Variants in MDGA2 observed in about 807,000 individuals in gnomAD.
MDGA2 encodes MAM domain containing glycosylphosphatidylinositol anchor 2.
MDGA2 carries 40 observed loss-of-function variants against 117.8 expected under a neutral mutation model. The ratio of observed to expected loss-of-function variants is 0.34; its 90% confidence interval spans 0.26 to 0.44. The LOEUF is 0.44. Ranked by LOEUF, MDGA2 falls within the 20% of genes least tolerant of loss-of-function variation. MDGA2 has a pLI of 1.00. For missense variants in MDGA2, 1,123 were observed against 1,250.6 expected (o/e 0.90, Z 1.54); for synonymous variants, 452 against 439.0 (o/e 1.03, Z -0.37).
At chr14:46,908,153 G>A (rs1883569738) in intron 10 of MDGA2, among the ~76,000 whole-genome samples, 1 of 152,082 alleles carries the variant, frequency 6.6e-6, no homozygotes, top group Non-Finnish European at 1.5e-5. Flanking sequence ...CTAACAATTT[G>A]GAGTGGTATA....
intron 1 of MDGA2, 66 bp from the exon 2 acceptor site, chr14:47,301,616 C>A (rs766355007): frequency 2.0e-6 from 3 of 1,511,768 alleles, no homozygotes; most frequent in Non-Finnish European, 2.7e-6. Context: ...TCTCATGAAC[C>A]ATCTTGACTA....
At chr14:47,390,448 T>G (rs12147667) in intron 1 of MDGA2, among the ~76,000 whole-genome samples, 109,757 of 151,910 alleles carry the variant, frequency 0.72, 39,936 homozygotes, top group Middle Eastern at 0.82. Context: ...GTAAAGATAC[T>G]ATCGTTTTTC....
chr14:47,155,017 G>A (rs1367207031), intron 3 of MDGA2, among the ~76,000 whole-genome samples: 1 of 152,114 alleles, frequency 6.6e-6, no homozygotes, highest in Non-Finnish European at 1.5e-5. Context: ...GACTCAGCCA[G>A]ACTGGGACAG....
At chr14:46,877,586 T>C in intron 11 of MDGA2, 77 bp from the exon 12 acceptor site, 5 of 1,043,008 alleles carry the variant, frequency 4.8e-6, no homozygotes, top group Non-Finnish European at 5.6e-6. Flanking sequence ...TAAATAAAAG[T>C]CTAATCAGTG....
At position 47,591,231 on chromosome 14, in the gene MDGA2, C is replaced by T. The variant is rs149258637; in HGVS notation, c.280+83286G>A. Among the ~76,000 whole-genome samples the T allele has an allele frequency of 2.0e-4, 31 of 152,156 alleles. No homozygotes were observed. In the East Asian group the frequency reaches 5.6e-3, roughly 28 times the overall value. On this transcript the variant is annotated intron_variant, in intron 1 of 16. Coordinates refer to ENST00000399232, the MANE Select transcript of MDGA2 (RefSeq NM_001113498.3). ...TTCAGGTTTAAATTCTGGGATTGTA[C>T]ATCTCCCATTCATGCTCTCACACTT... is the stretch of plus-strand genomic sequence containing the variant.
chr14:47,564,751 A>G (rs1350962932), intron 1 of MDGA2, among the ~76,000 whole-genome samples: 1 of 152,172 alleles, frequency 6.6e-6, no homozygotes, highest in Non-Finnish European at 1.5e-5. Flanking sequence ...GGGGATGTCA[A>G]TGAGTCACAG....
intron 12 of MDGA2, among the ~76,000 whole-genome samples, chr14:46,876,459 G>C (rs1157265341): frequency 6.6e-6 from 1 of 151,472 alleles, no homozygotes; most frequent in African/African-American, 2.4e-5. Flanking sequence ...AATACTAAAA[G>C]AGTAATAAGT....
At chr14:47,102,522 G>C (rs1242774320) in intron 5 of MDGA2, among the ~76,000 whole-genome samples, 1 of 151,986 alleles carries the variant, frequency 6.6e-6, no homozygotes, top group African/African-American at 2.4e-5. Context: ...GTTGATTTGG[G>C]CTGGGATCAC....
intron 5 of MDGA2, among the ~76,000 whole-genome samples, chr14:47,105,759 G>A (rs577694833): frequency 5.3e-5 from 8 of 150,412 alleles, no homozygotes; most frequent in Non-Finnish European, 8.9e-5. Context: ...TTTCCCTCCC[G>A]CCTGTCCCCT....
intron 8 of MDGA2, among the ~76,000 whole-genome samples, chr14:47,028,945 T>C (rs1202049604): frequency 1.3e-5 from 2 of 152,142 alleles, no homozygotes; most frequent in East Asian, 3.9e-4. Flanking sequence ...AATAATTACC[T>C]TGTCTTTGAT....
chr14:47,534,396 G>A (rs1427677611), intron 1 of MDGA2, among the ~76,000 whole-genome samples: 1 of 152,164 alleles, frequency 6.6e-6, no homozygotes. Flanking sequence ...TACTACCCGA[G>A]ACTGGGTAAT....
intron 8 of MDGA2, among the ~76,000 whole-genome samples, chr14:47,005,985 G>T (rs1482443748): frequency 1.3e-5 from 2 of 151,480 alleles, no homozygotes; most frequent in Admixed American, 6.6e-5. Context: ...ATTGTCAGAG[G>T]ATTACACTTT....
chr14:47,090,937 C>A lies in MDGA2; in HGVS notation c.1195+5917G>T, dbSNP rs568660851. Among the ~76,000 whole-genome samples the A allele has an allele frequency of 3.3e-5, 5 of 152,244 alleles. 1 individual carries two copies. Among genetic ancestry groups the A allele is most frequent in the East Asian group, 3.9e-4 (2 of 5,174 alleles). On this transcript the variant is annotated intron_variant, in intron 6 of 16. Transcript: ENST00000399232. ...TGCAGACCTAGCCACCCTCTAGCTG[C>A]AATTATATGGGATACCCTGAATTTT... is the stretch of plus-strand genomic sequence containing the variant.
At chr14:47,277,425 T>C (rs1888342840) in intron 2 of MDGA2, among the ~76,000 whole-genome samples, 1 of 152,202 alleles carries the variant, frequency 6.6e-6, no homozygotes, top group Non-Finnish European at 1.5e-5. Context: ...TAACTAGCAA[T>C]GCTCTAGCAG....
At chr14:46,971,738 T>C (rs1391478891) in intron 8 of MDGA2, among the ~76,000 whole-genome samples, 1 of 151,964 alleles carries the variant, frequency 6.6e-6, no homozygotes, top group African/African-American at 2.4e-5. Flanking sequence ...AGTTAAAAAA[T>C]AGCTAAAAAT....
chr14:47,322,636 C>A (rs905352087), intron 1 of MDGA2, among the ~76,000 whole-genome samples: 25 of 152,192 alleles, frequency 1.6e-4, no homozygotes, highest in African/African-American at 6.0e-4. Flanking sequence ...ACGTAAGTAA[C>A]GTAACTTCTG....
intron 3 of MDGA2, among the ~76,000 whole-genome samples, chr14:47,164,389 TCAAA>T (rs1277200889): frequency 1.3e-5 from 2 of 151,880 alleles, no homozygotes; most frequent in African/African-American, 2.4e-5. Flanking sequence ...TACAAAGAAC[TCAAA>T]CAAATTTACA....
At chr14:47,077,496 G>A (rs1890538626) in intron 6 of MDGA2, among the ~76,000 whole-genome samples, 1 of 151,812 alleles carries the variant, frequency 6.6e-6, no homozygotes, top group South Asian at 2.1e-4. Context: ...CAGCATGATC[G>A]CTGTATATGT....
chr14:47,338,451 G>A (rs1399888648), intron 1 of MDGA2, among the ~76,000 whole-genome samples: 1 of 151,602 alleles, frequency 6.6e-6, no homozygotes, highest in Non-Finnish European at 1.5e-5. Flanking sequence ...AATATATATA[G>A]ATATGTTTAT....
Sources: allele counts gnomAD v4.1 joint callset (sites outside exome capture counted in the v4.1 genomes callset), GRCh38; gene constraint gnomAD v4.1.1; transcripts MANE v1.5; gene names NCBI Gene and HGNC (gene_info 2026-07-23, HGNC 2026-07-21).